The following SLC34A1 variants were observed in gnomAD, a reference collection of about 807,000 sequenced individuals.
SLC34A1 encodes the protein solute carrier family 34 member 1.
A neutral mutation model predicts 51.4 loss-of-function variants in SLC34A1; 57 were observed. The observed-to-expected ratio is 1.11, with a 90% CI of 0.90 to 1.38. SLC34A1 has a LOEUF of 1.38. Among genes scored for constraint, SLC34A1 ranks in the 40% most tolerant of loss-of-function variants. The probability of loss-of-function intolerance (pLI) is 0.00; values close to 1 mark genes in which losing one functional copy is unlikely to be tolerated. For synonymous variants in SLC34A1, 368 were observed against 358.0 expected (o/e 1.03, Z -0.32); for missense variants, 796 against 835.6 (o/e 0.95, Z 0.58).
In SLC34A1 at chr5:177,398,454, C is replaced by A; in HGVS notation, c.*168C>A. The A allele has an allele frequency of 1.2e-6, 1 of 802,408 alleles. No homozygotes were observed. The highest frequency in any genetic ancestry group is 2.1e-6 in the Non-Finnish European group (1 of 469,982). 49.7% of individuals were successfully genotyped at this position (802,408 alleles called of 1,614,324 possible). On this transcript the variant is annotated 3_prime_UTR_variant, in exon 13 of 13. Transcript: ENST00000324417. This position sits in a 1 kb window ranked among gnomAD's most constrained non-coding sequence, Gnocchi z 4.7. ...TTGTGTGAGAGTGTCGGTGTGTGTG[C>A]ATGTGTGGGGGTGAGTCTGCATGTG...
rs768877189 is a variant in SLC34A1 at position 177,396,857 on chromosome 5, C to A, written c.1291+8C>A. 6.8e-6 allele frequency: 11 copies of A among 1,613,968 alleles called. No individual in the cohort carries two copies. Among genetic ancestry groups the A allele is most frequent in the Non-Finnish European group, 9.3e-6 (11 of 1,179,830 alleles). On this transcript the variant is annotated splice_region_variant and intron_variant, in intron 11 of 12. Coordinates refer to ENST00000324417, the MANE Select transcript of SLC34A1 (RefSeq NM_003052.5). The surrounding 1 kb of genome is among the most constrained non-coding windows in gnomAD (Gnocchi z 4.0). ...CCATCACCCCACTCATCGGTGAGTG[C>A]CCATGTAGAGGTGGAGTGGGGTGGG...
At chr5:177,393,813 A>G (rs1296984007) in intron 9 of SLC34A1, 50 bp downstream of exon 9, 2 of 1,591,506 alleles carry the variant, frequency 1.3e-6, no homozygotes, top group African/African-American at 1.3e-5. Flanking sequence ...GGCAGAGCCT[A>G]GCAGTGGCAG....
chr5:177,386,055 C>T lies in SLC34A1; in HGVS notation c.178C>T (p.His60Tyr). 1 of 1,609,956 alleles carries T rather than the reference C, an allele frequency of 6.2e-7. No homozygotes were observed. Among genetic ancestry groups the T allele is most frequent in the South Asian group, 1.1e-5 (1 of 90,698 alleles). ...PSLGPVALAEHTCPCGEVLER... is the reference protein window; with the variant it reads ...PSLGPVALAEYTCPCGEVLER... ...CCTGGGCCCTGTGGCCCTTGCTGAGCACACCTGCCCCTGTGGGGAGGTCCT... is the reference window on the plus strand; with the variant it reads ...CCTGGGCCCTGTGGCCCTTGCTGAGTACACCTGCCCCTGTGGGGAGGTCCT... The change falls in exon 3 of 13, where the codon CAC (histidine) becomes TAC (tyrosine). Residue 60 changes from histidine (H) to tyrosine (Y), a missense_variant. By Grantham distance (83) the His-to-Tyr change is moderately conservative. Coordinates refer to ENST00000324417, the MANE Select transcript of SLC34A1 (RefSeq NM_003052.5). This position sits in a 1 kb window ranked among gnomAD's most constrained non-coding sequence, Gnocchi z 4.8.
chr5:177,387,854 G>T lies in SLC34A1; in HGVS notation c.625G>T (p.Asp209Tyr), dbSNP rs199847351. 7.3e-5 allele frequency: 117 copies of T among 1,603,060 alleles called. No individual in the cohort carries two copies. The highest frequency in any genetic ancestry group is 2.9e-4 in the East Asian group (13 of 44,096). The change falls in exon 6 of 13, where the codon GAC becomes TAC. Residue 209 changes from aspartate to tyrosine, a missense_variant. Physicochemically the swap from Asp to Tyr is radical, Grantham distance 160. Coordinates refer to ENST00000324417, the MANE Select transcript of SLC34A1 (RefSeq NM_003052.5). The stretch of plus-strand genomic sequence containing the variant: ...CATCGTGGCCCTGATGCAGGCGGGG[G>T]ACAGGACTGACTTCCGGCGGTGAGG... ...NTIVALMQAG[D>Y]RTDFRRAFAG...
chr5:177,385,890 G>A (rs373549568), intron 2 of SLC34A1, 40 bp downstream of exon 2: 26 of 1,611,008 alleles, frequency 1.6e-5, no homozygotes, highest in South Asian at 4.4e-5. Context: ...GGTTGCCCAC[G>A]GTTGCCCACA....
At chr5:177,391,697 G>A (rs1162435701) in intron 8 of SLC34A1, among the ~76,000 whole-genome samples, 1 of 152,206 alleles carries the variant, frequency 6.6e-6, no homozygotes, top group Non-Finnish European at 1.5e-5. Flanking sequence ...ATGTGATCCT[G>A]AACGGGCCCA....
At chr5:177,389,524 G>A in intron 8 of SLC34A1, 1 of 1,363,280 alleles carries the variant, frequency 7.3e-7, no homozygotes, top group Non-Finnish European at 9.9e-7. Flanking sequence ...AAAAACCCCT[G>A]CGGGCAGCTT....
intron 8 of SLC34A1, chr5:177,390,110 C>G: frequency 9.2e-6 from 10 of 1,089,622 alleles, no homozygotes; most frequent in Non-Finnish European, 1.1e-5. Context: ...ACAGAGTCTC[C>G]CCGTGCTCCC....
rs2127356696 is a variant in SLC34A1, at chr5:177,398,713, C to G, written c.*427C>G. 3 of 211,306 alleles carry G rather than the reference C, an allele frequency of 1.4e-5. No individual in the cohort carries two copies. Among genetic ancestry groups the G allele is most frequent in the Middle Eastern group, 4.7e-4 (1 of 2,122 alleles). The allele number at this position is 211,306 out of a possible 1,614,324, so 13.1% of individuals were successfully genotyped here. The stretch of plus-strand genomic sequence containing the variant: ...GTGCCTGCGTTACTGAATTTGCACA[C>G]CTCCTTGCCACCTTCCTTCCTCCAA... On this transcript the variant is annotated 3_prime_UTR_variant, in exon 13 of 13. Transcript: ENST00000324417. The surrounding 1 kb of genome is among the most constrained non-coding windows in gnomAD (Gnocchi z 4.7).
intron 1 of SLC34A1, among the ~76,000 whole-genome samples, chr5:177,384,769 G>A (rs942620490): frequency 1.9e-4 from 29 of 151,932 alleles, no homozygotes; most frequent in Non-Finnish European, 4.0e-4. Flanking sequence ...GGCTGAGGCA[G>A]GAGAATCGCT....
intron 2 of SLC34A1, 34 bp from the exon 3 acceptor site, chr5:177,385,953 G>A: frequency 6.2e-7 from 1 of 1,610,314 alleles, no homozygotes. Flanking sequence ...CCCACTTTGG[G>A]GCCCTGGGGC....
rs34044544 is a variant in SLC34A1, at chr5:177,397,006, G to A, written c.1348G>A (p.Gly450Ser). The A allele has an allele frequency of 1.8e-4, 286 of 1,614,116 alleles. No individual in the cohort carries two copies. The East Asian group carries it at 2.5e-3, about 14-fold the overall frequency. Residue 450 changes from glycine (G) to serine (S), a missense_variant, in exon 12 of 13, where the codon GGC (glycine) becomes AGC (serine). Physicochemically the swap from Gly to Ser is moderately conservative, Grantham distance 56. Coordinates refer to ENST00000324417, the MANE Select transcript of SLC34A1 (RefSeq NM_003052.5). ...AYPLTLGSNI[G>S]TTTTAILAAL... is the part of the protein sequence containing the mutation. The stretch of plus-strand genomic sequence containing the variant: ...CCCGCTCACACTGGGTTCCAACATC[G>A]GCACCACCACCACGGCCATCCTGGC...
At chr5:177,390,021 G>A in intron 8 of SLC34A1, 3 of 1,308,510 alleles carry the variant, frequency 2.3e-6, no homozygotes, top group African/African-American at 1.5e-5. Flanking sequence ...CCGAAGGAGT[G>A]TGACTCACAC....
At chr5:177,387,084 T>C (rs1277822485) in intron 5 of SLC34A1, among the ~76,000 whole-genome samples, 1 of 151,790 alleles carries the variant, frequency 6.6e-6, no homozygotes, top group African/African-American at 2.4e-5. Flanking sequence ...AAACTAACCA[T>C]CACTGGCCGG....
intron 8 of SLC34A1, among the ~76,000 whole-genome samples, chr5:177,393,401 A>G (rs999954492): frequency 6.6e-6 from 1 of 152,162 alleles, no homozygotes; most frequent in African/African-American, 2.4e-5. Flanking sequence ...ACCCAATGCC[A>G]CTGAGAGAGG....
chr5:177,395,271 A>T (rs1462251520), intron 10 of SLC34A1, among the ~76,000 whole-genome samples: 2 of 152,182 alleles, frequency 1.3e-5, no homozygotes, highest in Admixed American at 6.5e-5. Context: ...ACATAGCAAA[A>T]ATGGCAGTGC....
At chr5:177,393,111 C>T (rs766509222) in intron 8 of SLC34A1, among the ~76,000 whole-genome samples, 7 of 152,190 alleles carry the variant, frequency 4.6e-5, no homozygotes, top group African/African-American at 1.7e-4. Flanking sequence ...CTTAGGTTAC[C>T]GGCCCGGACC....
Position 177,397,784 on chromosome 5 carries a change from T to C in SLC34A1, c.1418T>C (p.Ile473Thr), listed in dbSNP as rs184668287. 19 of 1,608,864 alleles carry C rather than the reference T, an allele frequency of 1.2e-5. No homozygotes were observed. Among genetic ancestry groups the C allele is most frequent in the South Asian group, 7.7e-5 (7 of 91,078 alleles). ...GCCCCTCTGCCTCATCCCCTGCAGA[T>C]TGCCCTCTGTCACTTCTTCTTCAAC... ...PREKLSSAFQ[I>T]ALCHFFFNIS... is the part of the protein sequence containing the mutation. The change falls in exon 13 of 13, where the codon ATT (isoleucine) becomes ACT (threonine). Residue 473 changes from isoleucine (I) to threonine (T), a missense_variant and splice_region_variant. Ile to Thr is a moderately conservative substitution (Grantham distance 89, BLOSUM62 -1). Coordinates refer to ENST00000324417, the MANE Select transcript of SLC34A1 (RefSeq NM_003052.5).
At chr5:177,389,875 T>A in intron 8 of SLC34A1, 1 of 1,451,012 alleles carries the variant, frequency 6.9e-7, no homozygotes, top group East Asian at 2.5e-5. Context: ...GTCCAGCTGG[T>A]TTCTCTTCCT....
Sources: allele counts gnomAD v4.1 joint callset (sites outside exome capture counted in the v4.1 genomes callset), GRCh38; gene constraint gnomAD v4.1.1; non-coding constraint Gnocchi (gnomAD v3.1); transcripts MANE v1.5; gene names NCBI Gene and HGNC (gene_info 2026-07-23, HGNC 2026-07-21).